Variants in DEFB4B observed in about 807,000 individuals in gnomAD.
The protein encoded by DEFB4B is defensin beta 4B.
At chr8:7,416,640 G>A (rs1404998303) in intron 1 of DEFB4B, 130 bp downstream of exon 1, 4 of 337,338 alleles carry the variant, frequency 1.2e-5, no homozygotes, top group Admixed American at 8.5e-5. Context: ...AAGGATGGAG[G>A]GGACACACAG....
Position 7,414,917 on chromosome 8 carries a change from GC to G in DEFB4B, c.*43del, listed in dbSNP as rs1808759651. 5 of 1,049,562 alleles carry G rather than the reference GC, an allele frequency of 4.8e-6. No homozygotes were observed. The highest frequency in any genetic ancestry group is 1.4e-6 in the Non-Finnish European group (1 of 723,142). 65.0% of individuals were successfully genotyped at this position (1,049,562 alleles called of 1,614,324 possible). A position where few individuals can be genotyped will look rare whatever the true frequency, so the allele number is the denominator to read the frequency against. Reference sequence around the variant, plus strand: ...CATGTCGCACGTCTCTGATGAGGGAGCCCTTTCTGAATCCGCATCAGCCACA... The same window carrying G: ...CATGTCGCACGTCTCTGATGAGGGAGCCTTTCTGAATCCGCATCAGCCACA... On this transcript the variant is annotated 3_prime_UTR_variant, in exon 2 of 2. Transcript: ENST00000318157.
Position 7,415,633 on chromosome 8 carries a change from G to A in DEFB4B, c.59-536C>T, listed in dbSNP as rs1382729307. 2.7e-5 allele frequency among the ~76,000 whole-genome samples: 4 copies of A among 149,910 alleles called. No homozygotes were observed. In the Admixed American group the frequency reaches 2.7e-4, roughly 10 times the overall value. On this transcript the variant is annotated intron_variant, in intron 1 of 1. Coordinates refer to ENST00000318157, the MANE Select transcript of DEFB4B (RefSeq NM_001205266.2). ...ACAATTAACCATAGAAATAAATTTT[G>A]TAATGGCTTGTTTCTAATATCTAAG...
In DEFB4B at chr8:7,416,278, T is replaced by C. The variant is rs1372236484; in HGVS notation, c.58+492A>G. Reference sequence around the variant, plus strand: ...TAAAAATTTAGAAAATGACATTCTATACTACTTTCTTTAGATAAAATCAAA... The same window carrying C: ...TAAAAATTTAGAAAATGACATTCTACACTACTTTCTTTAGATAAAATCAAA... On this transcript the variant is annotated intron_variant, in intron 1 of 1. Coordinates refer to ENST00000318157, the MANE Select transcript of DEFB4B (RefSeq NM_001205266.2). 2.4e-3 allele frequency among the ~76,000 whole-genome samples: 364 copies of C among 151,526 alleles called. 5 individuals carry two copies. Among genetic ancestry groups the C allele is most frequent in the African/African-American group, 8.6e-3 (354 of 41,032 alleles).
intron 1 of DEFB4B, among the ~76,000 whole-genome samples, chr8:7,415,709 CT>C (rs1808813533): frequency 8.1e-6 from 1 of 123,688 alleles, no homozygotes; most frequent in Non-Finnish European, 1.7e-5. Flanking sequence ...CCCTCCCTCC[CT>C]CCCTCCCTCC....
intron 1 of DEFB4B, among the ~76,000 whole-genome samples, chr8:7,415,507 T>C (rs1808799733): frequency 6.6e-6 from 1 of 151,416 alleles, no homozygotes; most frequent in Non-Finnish European, 1.5e-5. Context: ...TTTCAAATCA[T>C]TTAGTCTGTT....
chr8:7,416,358 A>C (rs1585470468), intron 1 of DEFB4B, among the ~76,000 whole-genome samples: 1 of 151,762 alleles, frequency 6.6e-6, no homozygotes, highest in Non-Finnish European at 1.5e-5. Context: ...TAGTCTCAGC[A>C]GTTGTAGCAT....
chr8:7,415,914 T>C (rs1808831963), intron 1 of DEFB4B, among the ~76,000 whole-genome samples: 1 of 147,780 alleles, frequency 6.8e-6, no homozygotes, highest in Non-Finnish European at 1.5e-5. Flanking sequence ...CAAGATGATA[T>C]CTATTAGATT....
intron 1 of DEFB4B, among the ~76,000 whole-genome samples, chr8:7,416,441 G>C (rs1352602528): frequency 1.3e-5 from 2 of 151,786 alleles, no homozygotes; most frequent in African/African-American, 4.9e-5. Context: ...CGAGTGAGGT[G>C]TCCATTGGGT....
chr8:7,415,689 A>ATCCCTACC (rs1808809767), intron 1 of DEFB4B, among the ~76,000 whole-genome samples: 1 of 67,366 alleles, frequency 1.5e-5, no homozygotes, highest in Non-Finnish European at 3.0e-5. Context: ...TTCTTTTTTT[A>ATCCCTACC]TCCCTCCCTC....
intron 1 of DEFB4B, among the ~76,000 whole-genome samples, chr8:7,415,725 T>TCCG (rs1808817707): frequency 1.0e-4 from 4 of 38,264 alleles, no homozygotes; most frequent in Admixed American, 3.5e-4. Context: ...CCCTCCCTCC[T>TCCG]TCCCTCCCTC....
At position 7,414,940 on chromosome 8, in the gene DEFB4B, C is replaced by T. The variant is rs1397304561; in HGVS notation, c.*21G>A. 6.6e-7 allele frequency: 1 copy of T among 1,504,988 alleles called. No individual in the cohort carries two copies. The highest frequency in any genetic ancestry group is 2.3e-5 in the Admixed American group (1 of 43,540). 93.2% of individuals were successfully genotyped at this position (1,504,988 alleles called of 1,614,324 possible). A position where few individuals can be genotyped will look rare whatever the true frequency, so the allele number is the denominator to read the frequency against. The stretch of plus-strand genomic sequence containing the variant: ...GAGCCCTTTCTGAATCCGCATCAGC[C>T]ACAGCAGCTTCTTGGCCTCCTCATG... On this transcript the variant is annotated 3_prime_UTR_variant, in exon 2 of 2. Coordinates refer to ENST00000318157, the MANE Select transcript of DEFB4B (RefSeq NM_001205266.2).
At chr8:7,415,678 C>A (rs1165455622) in intron 1 of DEFB4B, among the ~76,000 whole-genome samples, 55 of 133,592 alleles carry the variant, frequency 4.1e-4, no homozygotes, top group African/African-American at 1.4e-3. Flanking sequence ...CAACCTCATT[C>A]TTCTTTTTTT....
intron 1 of DEFB4B, among the ~76,000 whole-genome samples, 162 bp from the exon 2 acceptor site, chr8:7,415,259 G>A (rs1808784562): frequency 6.7e-6 from 1 of 148,772 alleles, no homozygotes; most frequent in Non-Finnish European, 1.5e-5. Flanking sequence ...ACGCGAGTCA[G>A]TCATTTGGAT....
intron 1 of DEFB4B, among the ~76,000 whole-genome samples, chr8:7,416,458 A>T (rs1465913253): frequency 1.3e-5 from 2 of 151,732 alleles, no homozygotes; most frequent in Admixed American, 1.3e-4. Context: ...GGGTTCTCAA[A>T]CTCCTTTTCT....
chr8:7,416,499 A>G (rs1282657692), intron 1 of DEFB4B, among the ~76,000 whole-genome samples: 4 of 151,552 alleles, frequency 2.6e-5, no homozygotes, highest in Admixed American at 2.0e-4. Flanking sequence ...GTTCAATTAA[A>G]TAGGGCATTC....
At chr8:7,415,364 G>A (rs1234950096) in intron 1 of DEFB4B, among the ~76,000 whole-genome samples, 1 of 151,244 alleles carries the variant, frequency 6.6e-6, no homozygotes, top group Non-Finnish European at 1.5e-5. Flanking sequence ...TCTCCTGAGT[G>A]ACTGGGGCCT....
In DEFB4B at chr8:7,414,868, G is replaced by A. The variant is rs1314939284; in HGVS notation, c.*93C>T. 6.3e-7 allele frequency: 1 copy of A among 1,578,116 alleles called. No homozygotes were observed. Among genetic ancestry groups the A allele is most frequent in the Non-Finnish European group, 8.6e-7 (1 of 1,157,718 alleles). ...CTAGGATAAAGATTGCGTATCTTTG[G>A]ACACCATAGTTTAATTTGGTTTACA... On this transcript the variant is annotated 3_prime_UTR_variant, in exon 2 of 2. Coordinates refer to ENST00000318157, the MANE Select transcript of DEFB4B (RefSeq NM_001205266.2).
chr8:7,416,610 AAG>A (rs1490669711), intron 1 of DEFB4B, among the ~76,000 whole-genome samples, 158 bp downstream of exon 1: 1 of 147,660 alleles, frequency 6.8e-6, no homozygotes, highest in African/African-American at 2.5e-5. Context: ...GAGAGGGAAG[AAG>A]AGAGAGAAGC....
intron 1 of DEFB4B, among the ~76,000 whole-genome samples, chr8:7,415,689 A>ATCCCTCTC (rs1808809837): frequency 1.2e-3 from 80 of 67,450 alleles, no homozygotes; most frequent in African/African-American, 4.1e-3. Flanking sequence ...TTCTTTTTTT[A>ATCCCTCTC]TCCCTCCCTC....
Sources: gnomAD v4.1 joint callset for allele counts (sites outside exome capture counted in the v4.1 genomes callset) on GRCh38, gnomAD v4.1.1 for gene constraint, MANE v1.5 for transcripts, NCBI Gene and HGNC (gene_info 2026-07-23, HGNC 2026-07-21) for gene names.